The following CAMK2D variants were observed in gnomAD, a reference collection of about 807,000 sequenced individuals.
The protein encoded by CAMK2D is calcium/calmodulin dependent protein kinase II delta.
A neutral mutation model predicts 84.0 loss-of-function variants in CAMK2D; 37 were observed. The ratio of observed to expected loss-of-function variants is 0.44; its 90% confidence interval spans 0.34 to 0.58. CAMK2D has a LOEUF of 0.58. Among genes scored for constraint, CAMK2D ranks in the 20% least tolerant of loss-of-function variants. CAMK2D has a pLI of 0.02. For synonymous variants in CAMK2D, 202 were observed against 212.5 expected (o/e 0.95, Z 0.43); for missense variants, 448 against 652.5 (o/e 0.69, Z 3.41).
intron 2 of CAMK2D, among the ~76,000 whole-genome samples, chr4:113,664,404 A>G (rs918798930): frequency 6.6e-6 from 1 of 152,156 alleles, no homozygotes; most frequent in Non-Finnish European, 1.5e-5. Context: ...CCAGGCTGCA[A>G]TCAAGGTGTC....
intron 2 of CAMK2D, among the ~76,000 whole-genome samples, chr4:113,707,150 G>A (rs2154352150): frequency 6.6e-6 from 1 of 152,130 alleles, no homozygotes. Flanking sequence ...ACATTACTGG[G>A]GTTCATAAAT....
At chr4:113,454,603 C>A in intron 20 of CAMK2D, 88 bp from the exon 21 acceptor site, 1 of 748,424 alleles carries the variant, frequency 1.3e-6, no homozygotes, top group Non-Finnish European at 2.5e-6. Context: ...GACTAGGCTA[C>A]AGTTTTATAA....
intron 4 of CAMK2D, among the ~76,000 whole-genome samples, chr4:113,578,533 T>A (rs1459281564): frequency 6.6e-6 from 1 of 152,198 alleles, no homozygotes; most frequent in Non-Finnish European, 1.5e-5. Context: ...TTCATATCAG[T>A]TCAAAATGAA....
chr4:113,674,514 AGCATAT>A, intron 2 of CAMK2D, among the ~76,000 whole-genome samples: 1 of 152,280 alleles, frequency 6.6e-6, no homozygotes, highest in Middle Eastern at 3.4e-3. Flanking sequence ...TTTACAAGGA[AGCATAT>A]TCAATGCCAC....
At chr4:113,502,374 A>G (rs1004664244) in intron 15 of CAMK2D, among the ~76,000 whole-genome samples, 2 of 151,468 alleles carry the variant, frequency 1.3e-5, no homozygotes, top group Non-Finnish European at 2.9e-5. Flanking sequence ...GATTCACCTC[A>G]AATTCATGCC....
chr4:113,695,677 G>A (rs879042243), intron 2 of CAMK2D, among the ~76,000 whole-genome samples: 3 of 151,850 alleles, frequency 2.0e-5, no homozygotes, highest in Admixed American at 1.3e-4. Flanking sequence ...CAACCACCTG[G>A]GTCCAAGCCA....
At chr4:113,636,367 C>T (rs2099109808) in intron 3 of CAMK2D, among the ~76,000 whole-genome samples, 1 of 152,172 alleles carries the variant, frequency 6.6e-6, no homozygotes, top group Non-Finnish European at 1.5e-5. Flanking sequence ...CAACTGTCTC[C>T]TAGCAGGTCT....
At chr4:113,709,758 T>TATATATATATATATATATATATAC (rs2099484789) in intron 2 of CAMK2D, among the ~76,000 whole-genome samples, 1 of 111,434 alleles carries the variant, frequency 9.0e-6, no homozygotes, top group African/African-American at 4.2e-5. Flanking sequence ...TATATATATA[T>TATATATATATATATATATATATAC]ATATATATAT....
At chr4:113,677,877 T>G (rs949853396) in intron 2 of CAMK2D, among the ~76,000 whole-genome samples, 1 of 151,908 alleles carries the variant, frequency 6.6e-6, no homozygotes, top group Admixed American at 6.6e-5. Context: ...ATCATACTTG[T>G]GTTAAGTGGA....
intron 2 of CAMK2D, among the ~76,000 whole-genome samples, chr4:113,715,970 C>T (rs1404064249): frequency 1.3e-5 from 2 of 152,172 alleles, no homozygotes; most frequent in Admixed American, 6.5e-5. Context: ...ACTTGTGCCA[C>T]ATCACCGGAG....
At chr4:113,538,586 A>G (rs2098509135) in intron 6 of CAMK2D, among the ~76,000 whole-genome samples, 1 of 152,202 alleles carries the variant, frequency 6.6e-6, no homozygotes, top group African/African-American at 2.4e-5. Flanking sequence ...AATTCAGTCA[A>G]TCAAATTCAT....
At chr4:113,716,649 CAA>C (rs397750449) in intron 2 of CAMK2D, among the ~76,000 whole-genome samples, 3 of 76,148 alleles carry the variant, frequency 3.9e-5, no homozygotes, top group South Asian at 6.5e-4. Context: ...AGACTCCATC[CAA>C]AAAAAAAAAA....
chr4:113,493,752 C>G (rs1248090163), intron 16 of CAMK2D, among the ~76,000 whole-genome samples: 1 of 151,688 alleles, frequency 6.6e-6, no homozygotes, highest in African/African-American at 2.4e-5. Context: ...CAACTTGGTT[C>G]CATTCTCCCC....
At chr4:113,617,536 C>A (rs960544225) in intron 3 of CAMK2D, among the ~76,000 whole-genome samples, 1 of 151,428 alleles carries the variant, frequency 6.6e-6, no homozygotes, top group African/African-American at 2.4e-5. Context: ...TGAACCTTAT[C>A]AGAAATTTTG....
At chr4:113,743,552 T>C (rs765551982) in intron 2 of CAMK2D, among the ~76,000 whole-genome samples, 6 of 152,146 alleles carry the variant, frequency 3.9e-5, no homozygotes, top group Non-Finnish European at 7.4e-5. Flanking sequence ...ACTGCCCTCT[T>C]CTCCACCTCA....
At chr4:113,599,411 T>C (rs2098941990) in intron 4 of CAMK2D, among the ~76,000 whole-genome samples, 1 of 152,216 alleles carries the variant, frequency 6.6e-6, no homozygotes. Context: ...TTATTCATAA[T>C]TGCCAAAATT....
intron 2 of CAMK2D, among the ~76,000 whole-genome samples, chr4:113,688,045 C>T (rs1340376186): frequency 6.6e-6 from 1 of 152,124 alleles, no homozygotes; most frequent in African/African-American, 2.4e-5. Flanking sequence ...GCATTTAATT[C>T]TCTTGATTAC....
chr4:113,758,818 T>C (rs2099634433), intron 2 of CAMK2D, among the ~76,000 whole-genome samples: 1 of 152,134 alleles, frequency 6.6e-6, no homozygotes, highest in Non-Finnish European at 1.5e-5. Flanking sequence ...AAACTAAACT[T>C]CCTAGAATAT....
intron 2 of CAMK2D, among the ~76,000 whole-genome samples, chr4:113,743,600 C>T (rs2099597800): frequency 6.6e-6 from 1 of 152,164 alleles, no homozygotes; most frequent in Non-Finnish European, 1.5e-5. Flanking sequence ...ACTCTTGGTG[C>T]CCGCTGAGGA....
Sources: gnomAD v4.1 joint callset for allele counts (sites outside exome capture counted in the v4.1 genomes callset) on GRCh38, gnomAD v4.1.1 for gene constraint, MANE v1.5 for transcripts, NCBI Gene and HGNC (gene_info 2026-07-23, HGNC 2026-07-21) for gene names.